DLG2: variants seen among roughly 807,000 people sequenced by gnomAD.
DLG2 encodes the protein disks large homolog 2.
In DLG2, 45 loss-of-function variants were observed where a neutral mutation model predicts 132.5. That is an observed-to-expected ratio of 0.34 (90% CI 0.27 to 0.44). The LOEUF (loss-of-function observed/expected upper bound fraction) is 0.44, where lower values mean the gene tolerates loss of function less well. Ranked by LOEUF, DLG2 falls within the 20% of genes least tolerant of loss-of-function variation. The pLI is 1.00. For synonymous variants in DLG2, 424 were observed against 419.6 expected (o/e 1.01, Z -0.13); for missense variants, 1,045 against 1,196.9 (o/e 0.87, Z 1.87).
chr11:83,653,409 A>C (rs146156202), intron 18 of DLG2, among the ~76,000 whole-genome samples: 279 of 152,314 alleles, frequency 1.8e-3, no homozygotes, highest in African/African-American at 5.8e-3. Flanking sequence ...AATTCTCTTA[A>C]ACAGCATAAA....
At chr11:84,214,293 G>A (rs1223433611) in intron 8 of DLG2, among the ~76,000 whole-genome samples, 2 of 132,380 alleles carry the variant, frequency 1.5e-5, no homozygotes, top group African/African-American at 3.8e-5. Flanking sequence ...ATATATATAT[G>A]AGAGAATATA....
chr11:85,527,898 A>G (rs986262546), intron 3 of DLG2, among the ~76,000 whole-genome samples: 1 of 152,176 alleles, frequency 6.6e-6, no homozygotes, highest in Non-Finnish European at 1.5e-5. Flanking sequence ...TCTAACTGGC[A>G]TGAGATAGCA....
At chr11:84,598,644 G>A (rs2099568986) in intron 6 of DLG2, among the ~76,000 whole-genome samples, 1 of 152,108 alleles carries the variant, frequency 6.6e-6, no homozygotes, top group African/African-American at 2.4e-5. Context: ...TCATATAACA[G>A]GCCAGGCACA....
intron 4 of DLG2, among the ~76,000 whole-genome samples, chr11:85,247,395 A>G (rs1046285597): frequency 6.6e-6 from 1 of 151,982 alleles, no homozygotes; most frequent in Non-Finnish European, 1.5e-5. Flanking sequence ...AATATACTTT[A>G]GGTCTTTATT....
intron 21 of DLG2, among the ~76,000 whole-genome samples, chr11:83,487,628 C>G (rs2093601870): frequency 6.6e-6 from 1 of 152,032 alleles, no homozygotes; most frequent in Non-Finnish European, 1.5e-5. Context: ...GTGCTTGACT[C>G]TCTTAAGTGA....
chr11:83,835,034 T>C (rs1322744896), intron 16 of DLG2, among the ~76,000 whole-genome samples: 1 of 152,234 alleles, frequency 6.6e-6, no homozygotes, highest in Non-Finnish European at 1.5e-5. Flanking sequence ...AATGATGCAT[T>C]ATGTATATAT....
At chr11:83,877,119 A>G (rs1326419800) in intron 15 of DLG2, among the ~76,000 whole-genome samples, 2 of 152,038 alleles carry the variant, frequency 1.3e-5, no homozygotes, top group Non-Finnish European at 2.9e-5. Context: ...GCTTTGTATC[A>G]TTTTATTGCC....
intron 6 of DLG2, among the ~76,000 whole-genome samples, chr11:84,676,827 T>C (rs1481802179): frequency 1.3e-5 from 2 of 151,916 alleles, no homozygotes; most frequent in South Asian, 2.1e-4. Context: ...TCATGACAGA[T>C]TGTAATAAAA....
intron 10 of DLG2, among the ~76,000 whole-genome samples, chr11:84,069,196 T>A (rs151146800): frequency 6.6e-6 from 1 of 152,360 alleles, no homozygotes; most frequent in East Asian, 1.9e-4. Context: ...AATGCTGGAC[T>A]GAGACCATAC....
intron 8 of DLG2, among the ~76,000 whole-genome samples, chr11:84,197,019 A>T (rs2096528281): frequency 7.0e-6 from 1 of 142,458 alleles, no homozygotes; most frequent in Non-Finnish European, 1.5e-5. Context: ...CCTGGGCAAC[A>T]GAGTGCGACT....
At chr11:84,832,903 G>A (rs10792785) in intron 6 of DLG2, among the ~76,000 whole-genome samples, 57,627 of 151,174 alleles carry the variant, frequency 0.38, 11,912 homozygotes, top group Middle Eastern at 0.53. Context: ...ACTTCCACCA[G>A]CTTTTACTGT....
Position 83,465,599 on chromosome 11 carries a change from AATG to A in DLG2, c.2729+1106_2729+1108del, listed in dbSNP as rs775850195. Among the ~76,000 whole-genome samples, 41 of 152,320 alleles carry A rather than the reference AATG, an allele frequency of 2.7e-4. 1 individual carries two copies. In the East Asian group the frequency reaches 7.3e-3, roughly 27 times the overall value. ...AAGAGGTACTGTTTATGTGTTTTAT[AATG>A]ATAAAATAGTTTTATTCCTTTATAA... is the stretch of plus-strand genomic sequence containing the variant. On this transcript the variant is annotated intron_variant, in intron 26 of 27. Coordinates refer to ENST00000376104, the MANE Select transcript of DLG2 (RefSeq NM_001142699.3).
chr11:83,949,463 C>T (rs141017450), intron 14 of DLG2, among the ~76,000 whole-genome samples: 4 of 146,398 alleles, frequency 2.7e-5, no homozygotes, highest in African/African-American at 7.4e-5. Context: ...ATTTAACATA[C>T]GTTAAATGCC....
chr11:84,990,387 C>A (rs1164535580), intron 6 of DLG2, among the ~76,000 whole-genome samples: 1 of 152,118 alleles, frequency 6.6e-6, no homozygotes, highest in African/African-American at 2.4e-5. Context: ...AGATTAGTGC[C>A]CCTATAAAAG....
At chr11:84,803,780 G>A (rs531703534) in intron 6 of DLG2, among the ~76,000 whole-genome samples, 84 of 152,276 alleles carry the variant, frequency 5.5e-4, no homozygotes, top group South Asian at 1.9e-3. Flanking sequence ...ACTACCTCAA[G>A]CATTCTCTGC....
chr11:85,625,096 T>G (rs1383673829), intron 2 of DLG2: 1 of 152,060 alleles, frequency 6.6e-6, no homozygotes, highest in East Asian at 1.9e-4. Flanking sequence ...CTCCTCTTCC[T>G]TCCCACATAC....
intron 7 of DLG2, among the ~76,000 whole-genome samples, chr11:84,314,247 ATTC>A (rs2098332102): frequency 6.6e-6 from 1 of 152,176 alleles, no homozygotes; most frequent in South Asian, 2.1e-4. Flanking sequence ...AACATGCACT[ATTC>A]TTCTTTACGC....
Position 83,781,169 on chromosome 11 carries a change from T to C in DLG2, c.1825+5521A>G, listed in dbSNP as rs184176027. 4.1e-3 allele frequency among the ~76,000 whole-genome samples: 626 copies of C among 152,324 alleles called. 6 individuals are homozygous for C. Among genetic ancestry groups the C allele is most frequent in the African/African-American group, 0.015 (605 of 41,564 alleles). On this transcript the variant is annotated intron_variant, in intron 18 of 27. Coordinates refer to ENST00000376104, the MANE Select transcript of DLG2 (RefSeq NM_001142699.3). ...GCATAGCTTACTCCCTCATTTCTTT[T>C]AGATCTTTGTTCAAATATCACCTTA...
intron 8 of DLG2, among the ~76,000 whole-genome samples, chr11:84,250,253 G>A (rs914935636): frequency 1.3e-5 from 2 of 152,114 alleles, no homozygotes; most frequent in Non-Finnish European, 2.9e-5. Flanking sequence ...ATGGCCATGT[G>A]CTTTCTATTC....
Sources: allele counts gnomAD v4.1 joint callset (sites outside exome capture counted in the v4.1 genomes callset), GRCh38; gene constraint gnomAD v4.1.1; transcripts MANE v1.5; gene names NCBI Gene and HGNC (gene_info 2026-07-23, HGNC 2026-07-21).